METTL15: variants seen among roughly 807,000 people sequenced by gnomAD.
METTL15 encodes the protein methyltransferase 15, mitochondrial 12S rRNA N4-cytidine, also known as 12S rRNA N(4)-cytidine methyltransferase METTL15.
A neutral mutation model predicts 38.3 loss-of-function variants in METTL15; 34 were observed. That is an observed-to-expected ratio of 0.89 (90% CI 0.68 to 1.18). The LOEUF (loss-of-function observed/expected upper bound fraction) is 1.18, where lower values mean the gene tolerates loss of function less well. Ranked by LOEUF, METTL15 falls within the 50% of genes most tolerant of loss-of-function variation. The pLI is 0.00. For missense variants in METTL15, 438 were observed against 498.4 expected (o/e 0.88, Z 1.15); for synonymous variants, 162 against 170.9 (o/e 0.95, Z 0.41).
chr11:28,173,709 A>C (rs555037485), intron 3 of METTL15, among the ~76,000 whole-genome samples: 66 of 152,308 alleles, frequency 4.3e-4, no homozygotes, highest in African/African-American at 1.5e-3. Flanking sequence ...TTCCAGGATC[A>C]CATCCAGGAT....
intron 5 of METTL15, among the ~76,000 whole-genome samples, chr11:28,388,098 G>A (rs1850460295): frequency 6.6e-6 from 1 of 152,022 alleles, no homozygotes; most frequent in African/African-American, 2.4e-5. Context: ...ACATAATAGT[G>A]GTGAAAAACT....
chr11:28,255,397 C>G (rs1258862666), intron 4 of METTL15, among the ~76,000 whole-genome samples: 1 of 152,136 alleles, frequency 6.6e-6, no homozygotes, highest in East Asian at 1.9e-4. Context: ...CATCTGCAAA[C>G]AAGGATAATT....
At chr11:28,528,607 T>C (rs1590405290), downstream of METTL15, among the ~76,000 whole-genome samples, 1 of 152,232 alleles carries the variant, frequency 6.6e-6, no homozygotes, top group African/African-American at 2.4e-5. Flanking sequence ...TTACAGTACC[T>C]GGCACTTTGG....
chr11:28,169,826 A>G (rs1315892961), intron 3 of METTL15, among the ~76,000 whole-genome samples: 1 of 152,138 alleles, frequency 6.6e-6, no homozygotes, highest in Non-Finnish European at 1.5e-5. Context: ...AGATAAGAAT[A>G]ATTCTATTCT....
rs1302581797 is a variant in METTL15 at position 28,174,820 on chromosome 11, AAAAAAAAAAAC to A, written c.271-36240_271-36230del. ...ACAGAGCGAGATTCTGTCTCAAAAA[AAAAAAAAAAAC>A]ATAAAAAAGCAAAAAAAGCAAATCT... is the stretch of plus-strand genomic sequence containing the variant. On this transcript the variant is annotated intron_variant, in intron 3 of 6. Transcript: ENST00000407364. 1.9e-3 allele frequency among the ~76,000 whole-genome samples: 265 copies of A among 143,160 alleles called. 6 individuals carry two copies. In the South Asian group the frequency reaches 0.021, roughly 11 times the overall value. 93.9% of individuals were successfully genotyped at this position (143,160 alleles called of 152,430 possible).
intron 4 of METTL15, among the ~76,000 whole-genome samples, chr11:28,357,458 T>C (rs1850099670): frequency 6.6e-6 from 1 of 152,238 alleles, no homozygotes; most frequent in African/African-American, 2.4e-5. Flanking sequence ...TCAGAAACTT[T>C]GGCCCTCAAG....
chr11:28,359,986 A>T (rs1850122333), intron 4 of METTL15, among the ~76,000 whole-genome samples: 1 of 152,136 alleles, frequency 6.6e-6, no homozygotes, highest in African/African-American at 2.4e-5. Context: ...GATTCTGGAT[A>T]TGTTGTTAAA....
chr11:28,109,190 A>AATCG, intron 1 of METTL15, among the ~76,000 whole-genome samples: 1 of 152,204 alleles, frequency 6.6e-6, no homozygotes, highest in Non-Finnish European at 1.5e-5. Context: ...TGTTGAGGAA[A>AATCG]ATCGGGAGTA....
chr11:28,525,234 C>T (rs532633741), intron 6 of METTL15, among the ~76,000 whole-genome samples: 132 of 152,284 alleles, frequency 8.7e-4, no homozygotes, highest in African/African-American at 2.9e-3. Context: ...TGCTGCCTCG[C>T]GCAGCCTGCT....
intron 4 of METTL15, among the ~76,000 whole-genome samples, chr11:28,260,193 T>C (rs186563286): frequency 1.4e-4 from 21 of 152,310 alleles, no homozygotes; most frequent in Admixed American, 7.8e-4. Flanking sequence ...ACATATCAGT[T>C]TCATTTCCAT....
chr11:28,220,732 C>T (rs1319696114), intron 4 of METTL15, among the ~76,000 whole-genome samples: 1 of 152,144 alleles, frequency 6.6e-6, no homozygotes, highest in Non-Finnish European at 1.5e-5. Flanking sequence ...GTGCTTCCTT[C>T]AGGAGCTCTT....
chr11:28,366,711 G>A (rs891644187), intron 5 of METTL15, among the ~76,000 whole-genome samples: 1 of 152,152 alleles, frequency 6.6e-6, no homozygotes, highest in Admixed American at 6.5e-5. Context: ...TAAAAGACAA[G>A]AGGAGGAATG....
intron 6 of METTL15, among the ~76,000 whole-genome samples, chr11:28,317,489 CA>C (rs983530324): frequency 5.9e-5 from 9 of 151,930 alleles, no homozygotes; most frequent in African/African-American, 2.2e-4. Flanking sequence ...CCCTACCACT[CA>C]GGGGGAATTG....
chr11:28,217,615 A>G (rs1327547305), intron 4 of METTL15, among the ~76,000 whole-genome samples: 2 of 152,120 alleles, frequency 1.3e-5, no homozygotes, highest in East Asian at 3.9e-4. Context: ...TTGGTGTTTT[A>G]GATATGAAAT....
At chr11:28,159,536 A>G (rs894449510) in intron 3 of METTL15, among the ~76,000 whole-genome samples, 3 of 152,216 alleles carry the variant, frequency 2.0e-5, no homozygotes, top group Non-Finnish European at 4.4e-5. Context: ...CATCAATACC[A>G]GCTATGACCA....
chr11:28,117,033 A>G (rs969293525), intron 3 of METTL15, among the ~76,000 whole-genome samples: 1 of 152,156 alleles, frequency 6.6e-6, no homozygotes, highest in Non-Finnish European at 1.5e-5. Context: ...GTAAATTAAA[A>G]TATTAAATTG....
intron 4 of METTL15, among the ~76,000 whole-genome samples, chr11:28,245,191 C>G (rs1258858522): frequency 6.6e-6 from 1 of 152,132 alleles, no homozygotes; most frequent in Non-Finnish European, 1.5e-5. Flanking sequence ...CCAGCTCTAC[C>G]CTTACTCACT....
At chr11:28,147,920 C>G (rs1222709055) in intron 3 of METTL15, among the ~76,000 whole-genome samples, 4 of 151,786 alleles carry the variant, frequency 2.6e-5, no homozygotes, top group African/African-American at 7.2e-5. Flanking sequence ...AATGCTCTAT[C>G]TAACTTTGGG....
intron 4 of METTL15, among the ~76,000 whole-genome samples, chr11:28,213,592 A>G (rs1852731328): frequency 1.3e-5 from 2 of 150,824 alleles, no homozygotes; most frequent in African/African-American, 2.4e-5. Flanking sequence ...CCCTGACCAA[A>G]TGGATTTGCA....
Sources: allele counts gnomAD v4.1 joint callset (sites outside exome capture counted in the v4.1 genomes callset), GRCh38; gene constraint gnomAD v4.1.1; transcripts MANE v1.5; gene names NCBI Gene and HGNC (gene_info 2026-07-23, HGNC 2026-07-21).